PARD3B: variants seen among roughly 807,000 people sequenced by gnomAD.
The protein encoded by PARD3B is partitioning defective 3 homolog B.
In PARD3B, 103 loss-of-function variants were observed where a neutral mutation model predicts 130.2. The observed-to-expected ratio is 0.79, with a 90% confidence interval of 0.67 to 0.93. The LOEUF (loss-of-function observed/expected upper bound fraction) is 0.93. Among genes scored for constraint, PARD3B ranks in the 40% least tolerant of loss-of-function variants. The pLI, the probability that PARD3B is intolerant of heterozygous loss-of-function variation, is 0.00. For missense variants in PARD3B, 1,609 were observed against 1,499.2 expected (o/e 1.07, Z -1.21); for synonymous variants, 583 against 553.2 (o/e 1.05, Z -0.76).
Position 205,447,351 on chromosome 2 carries a change from G to T in PARD3B, c.3044+6679G>T, listed in dbSNP as rs1406867245. On this transcript the variant is annotated intron_variant, in intron 20 of 22. Coordinates refer to ENST00000406610, the MANE Select transcript of PARD3B (RefSeq NM_001302769.2). ...AGTCTGTCCTCAATAAATATTTTTGGAATAATGAATGAATGGTTTAACAGG... is the reference window on the plus strand; with the variant it reads ...AGTCTGTCCTCAATAAATATTTTTGTAATAATGAATGAATGGTTTAACAGG... Among the ~76,000 whole-genome samples, 3 of 152,094 alleles carry T rather than the reference G, an allele frequency of 2.0e-5. No individual in the cohort carries two copies. In the East Asian group the frequency reaches 5.8e-4, roughly 29 times the overall value.
chr2:204,928,187 A>G (rs892517539), intron 2 of PARD3B, among the ~76,000 whole-genome samples: 3 of 152,010 alleles, frequency 2.0e-5, no homozygotes, highest in African/African-American at 7.3e-5. Context: ...CTTGGCTGGG[A>G]CAATTGGACT....
intron 22 of PARD3B, among the ~76,000 whole-genome samples, chr2:205,555,018 A>G (rs866621344): frequency 7.9e-5 from 12 of 152,340 alleles, no homozygotes; most frequent in African/African-American, 1.9e-4. Context: ...CATTTTAAAA[A>G]TGGAGGCAGT....
chr2:204,942,923 T>C (rs1372235441), intron 2 of PARD3B, among the ~76,000 whole-genome samples: 1 of 152,116 alleles, frequency 6.6e-6, no homozygotes, highest in East Asian at 1.9e-4. Context: ...AAACATCTAC[T>C]GTGTACTAGG....
At chr2:205,377,479 TGAGGGATGAGAGG>T (rs1325245656) in intron 18 of PARD3B, among the ~76,000 whole-genome samples, 1 of 151,698 alleles carries the variant, frequency 6.6e-6, no homozygotes, top group Non-Finnish European at 1.5e-5. Context: ...ATGCCAGAAA[TGAGGGATGAGAGG>T]GAGGGAAGAG....
At chr2:204,850,717 A>T (rs1171347426) in intron 2 of PARD3B, among the ~76,000 whole-genome samples, 2 of 152,168 alleles carry the variant, frequency 1.3e-5, no homozygotes, top group African/African-American at 4.8e-5. Flanking sequence ...TTAGCTGAGC[A>T]GGCACTGACC....
chr2:205,393,929 A>C (rs1192677463), intron 18 of PARD3B, among the ~76,000 whole-genome samples: 1 of 152,200 alleles, frequency 6.6e-6, no homozygotes, highest in Middle Eastern at 3.2e-3. Context: ...TAGAAACAGA[A>C]GAAAATATTT....
Position 205,405,352 on chromosome 2 carries a change from C to G in PARD3B, c.2741+4229C>G, listed in dbSNP as rs910694915. Among the ~76,000 whole-genome samples the G allele has an allele frequency of 6.6e-6, 1 of 152,128 alleles. No individual in the cohort carries two copies. Among genetic ancestry groups the G allele is most frequent in the African/African-American group, 2.4e-5 (1 of 41,448 alleles). Reference sequence around the variant, plus strand: ...TCTTACAATGCACAGGACAGCTACCCTCCCCCACAACATGAATCATCCAAC... The same window carrying G: ...TCTTACAATGCACAGGACAGCTACCGTCCCCCACAACATGAATCATCCAAC... On this transcript the variant is annotated intron_variant, in intron 19 of 22. Coordinates refer to ENST00000406610, the MANE Select transcript of PARD3B (RefSeq NM_001302769.2). The surrounding 1 kb of genome is among the most constrained non-coding windows in gnomAD (Gnocchi z 4.1).
chr2:205,593,511 A>G (rs145173249), intron 22 of PARD3B, among the ~76,000 whole-genome samples: 1 of 152,340 alleles, frequency 6.6e-6, no homozygotes, highest in African/African-American at 2.4e-5. Flanking sequence ...TAAGTAGAAA[A>G]TTCCCCAATG....
At position 205,168,288 on chromosome 2, in the gene PARD3B, G is replaced by GGAGAGAGAGAGAGAGAGAGA. The variant is rs761018109; in HGVS notation, c.1621-3909_1621-3890dup. 3.3e-4 allele frequency among the ~76,000 whole-genome samples: 42 copies of GGAGAGAGAGAGAGAGAGAGA among 126,902 alleles called. 1 individual carries two copies. Among genetic ancestry groups the GGAGAGAGAGAGAGAGAGAGA allele is most frequent in the East Asian group, 7.3e-4 (3 of 4,102 alleles). The allele number at this position is 126,902 out of a possible 152,430, so 83.3% of individuals were successfully genotyped here. On this transcript the variant is annotated intron_variant, in intron 11 of 22. Transcript: ENST00000406610. ...AGAGGAAGAAAAAGGGGTGAGAAAG[G>GGAGAGAGAGAGAGAGAGAGA]GAGAGAGAGAGAGAGAGAGAGAGAG...
At chr2:205,064,211 T>C (rs1163017398) in intron 4 of PARD3B, among the ~76,000 whole-genome samples, 4 of 152,228 alleles carry the variant, frequency 2.6e-5, no homozygotes, top group Non-Finnish European at 4.4e-5. Flanking sequence ...TTTTTTATTT[T>C]TTTGAAGAAT....
chr2:204,581,052 T>G (rs1286565970), intron 1 of PARD3B, among the ~76,000 whole-genome samples: 2 of 152,222 alleles, frequency 1.3e-5, no homozygotes, highest in African/African-American at 4.8e-5. Context: ...TCCCTAATTC[T>G]AATGAAATAC....
At chr2:205,136,649 G>A (rs2032510035) in intron 10 of PARD3B, among the ~76,000 whole-genome samples, 1 of 152,058 alleles carries the variant, frequency 6.6e-6, no homozygotes, top group Non-Finnish European at 1.5e-5. Flanking sequence ...ACTTCCCACT[G>A]GAGGAGAAAA....
In PARD3B at chr2:205,262,369, G is replaced by A. The variant is rs528117532; in HGVS notation, c.2185+16547G>A. Among the ~76,000 whole-genome samples, 89 of 152,080 alleles carry A rather than the reference G, an allele frequency of 5.9e-4. 1 individual carries two copies. Among genetic ancestry groups the A allele is most frequent in the African/African-American group, 2.0e-3 (85 of 41,492 alleles). On this transcript the variant is annotated intron_variant, in intron 16 of 22. Coordinates refer to ENST00000406610, the MANE Select transcript of PARD3B (RefSeq NM_001302769.2). ...CTTTTATTTTTCTTCTTCTTTCTCT[G>A]TGCTTTTTTCTCCTTTGTTTCTATA...
At chr2:205,296,546 T>G (rs2041797819) in intron 16 of PARD3B, among the ~76,000 whole-genome samples, 1 of 152,120 alleles carries the variant, frequency 6.6e-6, no homozygotes, top group Non-Finnish European at 1.5e-5. Context: ...TAGTGGCACC[T>G]CTCCAACTAG....
Position 205,057,590 on chromosome 2 carries a change from T to C in PARD3B, c.504+9900T>C, listed in dbSNP as rs1256454435. Among the ~76,000 whole-genome samples, 11 of 116,238 alleles carry C rather than the reference T, an allele frequency of 9.5e-5. 2 individuals carry two copies. The highest frequency in any genetic ancestry group is 3.8e-5 in the Non-Finnish European group (2 of 53,204). The allele number at this position is 116,238 out of a possible 152,430, so 76.3% of individuals were successfully genotyped here. A position where few individuals can be genotyped will look rare whatever the true frequency, so the allele number is the denominator to read the frequency against. Reference sequence around the variant, plus strand: ...ATATGTATATGTGTATGTGTATACGTATATATACATATATGTGTATGTGTA... The same window carrying C: ...ATATGTATATGTGTATGTGTATACGCATATATACATATATGTGTATGTGTA... On this transcript the variant is annotated intron_variant, in intron 4 of 22. Coordinates refer to ENST00000406610, the MANE Select transcript of PARD3B (RefSeq NM_001302769.2).
intron 4 of PARD3B, among the ~76,000 whole-genome samples, chr2:205,065,472 T>C (rs1700315775): frequency 6.6e-6 from 1 of 152,198 alleles, no homozygotes; most frequent in Non-Finnish European, 1.5e-5. Flanking sequence ...ACGTATTTTT[T>C]ATTTCATTCT....
At chr2:204,842,511 T>C (rs1045654409) in intron 2 of PARD3B, among the ~76,000 whole-genome samples, 1 of 152,128 alleles carries the variant, frequency 6.6e-6, no homozygotes, top group Admixed American at 6.5e-5. Flanking sequence ...GGTAAGAGGA[T>C]CTGTGCCAGA....
At chr2:205,076,352 A>G (rs1235420275) in intron 4 of PARD3B, among the ~76,000 whole-genome samples, 2 of 152,222 alleles carry the variant, frequency 1.3e-5, no homozygotes, top group Non-Finnish European at 2.9e-5. Flanking sequence ...GTCTCTTGTT[A>G]TGCTAATTAC....
intron 16 of PARD3B, among the ~76,000 whole-genome samples, chr2:205,252,853 C>CCCCCCAA (rs2039916027): frequency 1.2e-5 from 1 of 80,456 alleles, no homozygotes; most frequent in African/African-American, 4.8e-5. Context: ...CCCCCCCCAC[C>CCCCCCAA]AAAAAAAAAA....
Sources: allele counts gnomAD v4.1 joint callset (sites outside exome capture counted in the v4.1 genomes callset), GRCh38; gene constraint gnomAD v4.1.1; non-coding constraint Gnocchi (gnomAD v3.1); transcripts MANE v1.5; gene names NCBI Gene and HGNC (gene_info 2026-07-23, HGNC 2026-07-21).